PCDHA1: variants seen among roughly 807,000 people sequenced by gnomAD.
The protein encoded by PCDHA1 is protocadherin alpha 1, also known as protocadherin alpha-1.
In PCDHA1, 42 loss-of-function variants were observed where a neutral mutation model predicts 61.3. That is an observed-to-expected ratio of 0.69 (90% CI 0.54 to 0.89). The LOEUF (loss-of-function observed/expected upper bound fraction) is 0.89. PCDHA1 is among the 40% of genes least tolerant of loss of function. PCDHA1 has a pLI of 0.00. For synonymous variants in PCDHA1, 610 were observed against 553.8 expected (o/e 1.10, Z -1.43); for missense variants, 1,256 against 1,235.3 (o/e 1.02, Z -0.25).
intron 1 of PCDHA1, among the ~76,000 whole-genome samples, chr5:140,953,962 T>C (rs2153701012): frequency 6.6e-6 from 1 of 152,196 alleles, no homozygotes; most frequent in Admixed American, 6.5e-5. Flanking sequence ...CAGGCCCCAG[T>C]GTGTGTTGTT....
chr5:140,927,499 C>G (rs781977423), intron 1 of PCDHA1: 1 of 1,614,136 alleles, frequency 6.2e-7, no homozygotes, highest in Admixed American at 1.7e-5. Context: ...CCTGCTGGTG[C>G]TTACAGCTCG....
chr5:140,958,204 G>T (rs2095413529), intron 1 of PCDHA1, among the ~76,000 whole-genome samples: 2 of 152,042 alleles, frequency 1.3e-5, no homozygotes, highest in South Asian at 2.1e-4. Flanking sequence ...AGTATACAAG[G>T]GAATTAGATT....
chr5:140,841,975 C>T (rs1777621234), intron 1 of PCDHA1: 7 of 1,613,726 alleles, frequency 4.3e-6, no homozygotes, highest in Non-Finnish European at 5.9e-6. Context: ...CAGATGGGGG[C>T]AAACCTGAGC....
At chr5:140,854,157 C>G in intron 1 of PCDHA1, 1 of 165,326 alleles carries the variant, frequency 6.0e-6, no homozygotes. Flanking sequence ...AAGATTCTGT[C>G]TCAAAAAAAA....
At chr5:140,800,946 C>A (rs1325575166) in intron 1 of PCDHA1, 1 of 1,055,256 alleles carries the variant, frequency 9.5e-7, no homozygotes, top group Non-Finnish European at 1.2e-6. Flanking sequence ...AAAGTTCAAA[C>A]GACATACAAG....
At chr5:140,986,141 G>C (rs1473474920) in intron 3 of PCDHA1, among the ~76,000 whole-genome samples, 2 of 152,138 alleles carry the variant, frequency 1.3e-5, no homozygotes, top group African/African-American at 2.4e-5. Context: ...ATCAACAAGG[G>C]CATCACCAAG....
intron 1 of PCDHA1, chr5:140,843,767 T>A (rs2150366421): frequency 4.0e-6 from 6 of 1,487,048 alleles, no homozygotes; most frequent in African/African-American, 1.4e-5. Context: ...GAAATTGTAG[T>A]TACTTTAAAA....
chr5:140,791,880 T>C (rs1336667861), intron 1 of PCDHA1, among the ~76,000 whole-genome samples: 1 of 152,176 alleles, frequency 6.6e-6, no homozygotes, highest in Non-Finnish European at 1.5e-5. Flanking sequence ...TTTGCAAGAA[T>C]GAGTGCTTGG....
At chr5:140,805,016 C>A (rs879973697) in intron 1 of PCDHA1, 2 of 1,562,148 alleles carry the variant, frequency 1.3e-6, no homozygotes, top group South Asian at 1.2e-5. Flanking sequence ...CTGTTATCAG[C>A]TTCTTGAATA....
In PCDHA1 at chr5:141,011,948, A is replaced by G. The variant is rs1011232437; in HGVS notation, c.*2011A>G. ...TAGGAGTCTGTTATTTAAAAAAAGC[A>G]TTAAATTTAAAAAAAAACTGTCTTG... On this transcript the variant is annotated 3_prime_UTR_variant, in exon 4 of 4. Transcript: ENST00000504120. 3 of 153,698 alleles carry G rather than the reference A, an allele frequency of 2.0e-5. No homozygotes were observed. The highest frequency in any genetic ancestry group is 4.4e-5 in the Non-Finnish European group (3 of 68,026). The allele number at this position is 153,698 out of a possible 1,614,324, so 9.5% of individuals were successfully genotyped here.
At chr5:140,966,968 G>T in intron 1 of PCDHA1, 1 of 1,602,616 alleles carries the variant, frequency 6.2e-7, no homozygotes. Context: ...GCTGGGGCTT[G>T]AGCTGCGGCG....
rs1334280981 is a variant in PCDHA1, at chr5:140,848,756, T to C, written c.2394+60072T>C. On this transcript the variant is annotated intron_variant, in intron 1 of 3. Coordinates refer to ENST00000504120, the MANE Select transcript of PCDHA1 (RefSeq NM_018900.4). ...TGCAGAATGGCATTTTGTTTGTGAATTCTCGGATCGACCGCGAGGAGCTGT... is the reference window on the plus strand; with the variant it reads ...TGCAGAATGGCATTTTGTTTGTGAACTCTCGGATCGACCGCGAGGAGCTGT... 2 of 1,593,258 alleles carry C rather than the reference T, an allele frequency of 1.3e-6. 1 individual carries two copies. Among genetic ancestry groups the C allele is most frequent in the Non-Finnish European group, 1.7e-6 (2 of 1,164,046 alleles).
intron 1 of PCDHA1, chr5:140,836,055 G>C: frequency 1.2e-6 from 2 of 1,613,604 alleles, no homozygotes; most frequent in Non-Finnish European, 1.7e-6. Context: ...CGTGCTGGAC[G>C]AGAACGACAA....
chr5:140,994,558 A>G (rs1414971844), intron 3 of PCDHA1, among the ~76,000 whole-genome samples: 4 of 151,948 alleles, frequency 2.6e-5, no homozygotes, highest in Non-Finnish European at 5.9e-5. Context: ...TATAAAAATT[A>G]GCCGGGTGTG....
intron 1 of PCDHA1, among the ~76,000 whole-genome samples, chr5:140,978,185 G>C (rs1177844558): frequency 1.3e-5 from 2 of 152,168 alleles, no homozygotes; most frequent in East Asian, 3.8e-4. Context: ...GAGGGCAACA[G>C]ATCTTTTCAA....
chr5:140,893,433 G>A (rs1441735373), intron 1 of PCDHA1, among the ~76,000 whole-genome samples: 3 of 152,006 alleles, frequency 2.0e-5, no homozygotes, highest in African/African-American at 4.8e-5. Context: ...CAGGAAGATC[G>A]CTTGAAGCCA....
chr5:140,884,271 C>T, intron 1 of PCDHA1: 1 of 1,613,540 alleles, frequency 6.2e-7, no homozygotes, highest in Non-Finnish European at 8.5e-7. Flanking sequence ...GTGCTGTTGT[C>T]GCTGGTGGAG....
chr5:140,989,788 G>A (rs2097360346), intron 3 of PCDHA1, among the ~76,000 whole-genome samples: 2 of 152,158 alleles, frequency 1.3e-5, no homozygotes, highest in Admixed American at 1.3e-4. Context: ...GAGACTAGAG[G>A]CCCCCAGGAA....
intron 1 of PCDHA1, chr5:140,871,241 C>CGCT (rs1268066555): frequency 1.2e-6 from 2 of 1,613,972 alleles, no homozygotes; most frequent in African/African-American, 2.7e-5. Context: ...CTGGTACTCA[C>CGCT]GCTGCTGCTG....
Sources: gnomAD v4.1 joint callset for allele counts (sites outside exome capture counted in the v4.1 genomes callset) on GRCh38, gnomAD v4.1.1 for gene constraint, MANE v1.5 for transcripts, NCBI Gene and HGNC (gene_info 2026-07-23, HGNC 2026-07-21) for gene names.